Variants in PVT1 observed in about 807,000 individuals in gnomAD.
PVT1 encodes Pvt1 oncogene.
intron 2 of PVT1, among the ~76,000 whole-genome samples, chr8:127,838,577 C>T (rs913475995): frequency 7.2e-5 from 11 of 152,084 alleles, no homozygotes; most frequent in Non-Finnish European, 1.3e-4. Context: ...TGCTGGCAGG[C>T]ACCTGTAATC....
At chr8:128,086,219 T>C (rs943601846) in intron 5 of PVT1, among the ~76,000 whole-genome samples, 1 of 152,200 alleles carries the variant, frequency 6.6e-6, no homozygotes, top group South Asian at 2.1e-4. Flanking sequence ...GAACTAGTAG[T>C]TCCTTGAGTA....
intron 4 of PVT1, among the ~76,000 whole-genome samples, chr8:127,992,074 C>CAA (rs72120482): frequency 0.039 from 5,578 of 141,858 alleles, 330 homozygotes; most frequent in Admixed American, 0.18. Context: ...TTTCTTAAAA[C>CAA]AAAAAAAAAA....
At chr8:127,990,831 C>CT (rs1175918602) in intron 4 of PVT1, among the ~76,000 whole-genome samples, 4 of 152,204 alleles carry the variant, frequency 2.6e-5, no homozygotes, top group African/African-American at 9.7e-5. Flanking sequence ...ACATAGGATA[C>CT]TACATACTCC....
intron 4 of PVT1, among the ~76,000 whole-genome samples, chr8:128,011,783 G>A (rs1047667704): frequency 6.6e-6 from 1 of 152,148 alleles, no homozygotes; most frequent in African/African-American, 2.4e-5. Context: ...TACTTCTTGT[G>A]GCCCCAAAGA....
In PVT1 at chr8:127,888,162, G is replaced by A. The variant is rs553387601; in HGVS notation, n.373-2427G>A. ...TCACCGTGTTAGCCAGGATGATCTC[G>A]ATCTCCTGACCTCGTGATCCACCCG... On this transcript the variant is annotated intron_variant and non_coding_transcript_variant, in intron 2 of 10. Coordinates refer to ENST00000651587, the Ensembl canonical transcript of PVT1. 1.7e-4 allele frequency among the ~76,000 whole-genome samples: 26 copies of A among 151,418 alleles called. 1 individual carries two copies. Among genetic ancestry groups the A allele is most frequent in the East Asian group, 1.2e-3 (6 of 5,072 alleles).
chr8:128,042,880 C>A (rs1374270591), intron 4 of PVT1, among the ~76,000 whole-genome samples: 5 of 152,114 alleles, frequency 3.3e-5, no homozygotes, highest in Admixed American at 3.3e-4. Context: ...TCTCATGCCT[C>A]AGCCTCCCAA....
intron 4 of PVT1, among the ~76,000 whole-genome samples, chr8:128,034,731 C>T (rs943986170): frequency 1.3e-5 from 2 of 152,226 alleles, no homozygotes; most frequent in African/African-American, 4.8e-5. Context: ...CAGACAAGAC[C>T]TGTGTCTCCA....
intron 3 of PVT1, among the ~76,000 whole-genome samples, chr8:127,916,546 GTCCGTAT>G (rs1815987303): frequency 6.6e-6 from 1 of 152,266 alleles, no homozygotes; most frequent in African/African-American, 2.4e-5. Context: ...GGATTGATGT[GTCCGTAT>G]TCGCCATAAC....
intron 4 of PVT1, among the ~76,000 whole-genome samples, chr8:128,056,804 TAG>T (rs1813767700): frequency 6.6e-6 from 1 of 152,234 alleles, no homozygotes; most frequent in Non-Finnish European, 1.5e-5. Context: ...GTGATTCTGA[TAG>T]AAACGTCATA....
chr8:128,054,567 G>A (rs1207545829), intron 4 of PVT1, among the ~76,000 whole-genome samples: 1 of 152,122 alleles, frequency 6.6e-6, no homozygotes, highest in Non-Finnish European at 1.5e-5. Context: ...AACACTGATG[G>A]CCTGCTTCAA....
chr8:127,829,917 T>C (rs1160798744), intron 2 of PVT1, among the ~76,000 whole-genome samples: 2 of 152,200 alleles, frequency 1.3e-5, no homozygotes, highest in Non-Finnish European at 1.5e-5. Context: ...TTGCCTCCTC[T>C]TGGTTTTGGT....
chr8:127,995,848 G>T (rs1222153116), intron 4 of PVT1, among the ~76,000 whole-genome samples: 1 of 152,128 alleles, frequency 6.6e-6, no homozygotes, highest in African/African-American at 2.4e-5. Flanking sequence ...ATCTTCCTGC[G>T]GAACGTATGT....
intron 2 of PVT1, among the ~76,000 whole-genome samples, chr8:127,886,282 A>G (rs1815521486): frequency 6.6e-6 from 1 of 152,066 alleles, no homozygotes; most frequent in Non-Finnish European, 1.5e-5. Context: ...TTCAACTATT[A>G]TATACTTAGG....
intron 2 of PVT1, among the ~76,000 whole-genome samples, chr8:127,847,602 C>T (rs1815050831): frequency 6.6e-6 from 1 of 152,128 alleles, no homozygotes; most frequent in Admixed American, 6.5e-5. Context: ...TGAAGACTGG[C>T]AAATGATGAC....
At chr8:127,823,820 C>T (rs988076268) in intron 2 of PVT1, among the ~76,000 whole-genome samples, 4 of 152,330 alleles carry the variant, frequency 2.6e-5, no homozygotes, top group Non-Finnish European at 2.9e-5. Flanking sequence ...CTTCACTGCC[C>T]GTCGAAGCAG....
chr8:127,908,037 A>G (rs982069482), intron 3 of PVT1, among the ~76,000 whole-genome samples: 1 of 152,136 alleles, frequency 6.6e-6, no homozygotes, highest in Non-Finnish European at 1.5e-5. Context: ...AGGAAATTCC[A>G]TTTCAGTTAA....
In PVT1 at chr8:127,831,149, C is replaced by A. The variant is rs535869647; in HGVS notation, n.372+35078C>A. Among the ~76,000 whole-genome samples the A allele has an allele frequency of 5.0e-3, 733 of 145,720 alleles. 2 individuals carry two copies. The highest frequency in any genetic ancestry group is 0.018 in the African/African-American group (669 of 37,220). On this transcript the variant is annotated intron_variant and non_coding_transcript_variant, in intron 2 of 10. Coordinates refer to ENST00000651587, the Ensembl canonical transcript of PVT1. ...TCTATATCTATATCTATCTCTCTCT[C>A]TCTCTCTATATATATATATATCTCC...
intron 4 of PVT1, among the ~76,000 whole-genome samples, chr8:128,069,924 C>G (rs914131795): frequency 1.3e-5 from 2 of 152,150 alleles, no homozygotes; most frequent in Admixed American, 1.3e-4. Context: ...CCCCCAGCCA[C>G]TTGCCTCCTC....
intron 5 of PVT1, among the ~76,000 whole-genome samples, chr8:128,091,170 G>A (rs1244698606): frequency 6.6e-6 from 1 of 152,108 alleles, no homozygotes; most frequent in African/African-American, 2.4e-5. Flanking sequence ...GGTCCCTGGG[G>A]GCGATCACTC....
Sources: allele counts gnomAD v4.1 joint callset (sites outside exome capture counted in the v4.1 genomes callset), GRCh38; gene constraint gnomAD v4.1.1; transcripts MANE v1.5; gene names NCBI Gene and HGNC (gene_info 2026-07-23, HGNC 2026-07-21).